Variants in IQSEC1 observed in about 807,000 individuals in gnomAD.
IQSEC1 encodes IQ motif and Sec7 domain ArfGEF 1.
Under a neutral mutation model 91.0 loss-of-function variants are expected in IQSEC1, and 31 were observed. That is an observed-to-expected ratio of 0.34 (90% CI 0.26 to 0.46). The LOEUF (loss-of-function observed/expected upper bound fraction) is 0.46, where lower values mean the gene tolerates loss of function less well. Among genes scored for constraint, IQSEC1 ranks in the 20% least tolerant of loss-of-function variants. The pLI is 1.00. For missense variants in IQSEC1, 1,388 were observed against 1,575.6 expected, an observed-to-expected ratio of 0.88 and a Z score of 2.02; for synonymous variants, 699 against 662.6, an observed-to-expected ratio of 1.05 and a Z score of -0.84.
chr3:12,972,879 A>G (rs186443057), intron 1 of IQSEC1, among the ~76,000 whole-genome samples: 97 of 152,362 alleles, frequency 6.4e-4, no homozygotes, highest in African/African-American at 2.2e-3. Context: ...TAGATGCAGT[A>G]AAAAGCCAGA....
intron 2 of IQSEC1, among the ~76,000 whole-genome samples, chr3:13,163,608 C>G (rs1025097945): frequency 6.6e-5 from 10 of 152,174 alleles, no homozygotes; most frequent in Non-Finnish European, 1.5e-4. Context: ...TGTCCACCCC[C>G]ACCTACCCTC....
At chr3:13,198,066 G>C (rs1270975339) in intron 1 of IQSEC1, among the ~76,000 whole-genome samples, 1 of 152,216 alleles carries the variant, frequency 6.6e-6, no homozygotes. Context: ...TGAAAGGACA[G>C]AGATGATGAC....
rs955327719 is a variant in IQSEC1 at position 12,899,914 on chromosome 3, G to GC, written c.*1068dup. ...ATGAACACTTCTGCCGTGTATGGGT[G>GC]CCCCTCTCGGAGGACTCTGAATGAG... On this transcript the variant is annotated 3_prime_UTR_variant, in exon 14 of 14. Transcript: ENST00000613206. 1 of 985,114 alleles carries GC rather than the reference G, an allele frequency of 1.0e-6. No individual in the cohort carries two copies. The highest frequency in any genetic ancestry group is 1.7e-5 in the African/African-American group (1 of 57,152). 61.0% of individuals were successfully genotyped at this position (985,114 alleles called of 1,614,324 possible). A position where few individuals can be genotyped will look rare whatever the true frequency, so the allele number is the denominator to read the frequency against.
intron 2 of IQSEC1, among the ~76,000 whole-genome samples, chr3:13,092,652 C>G (rs1461885923): frequency 6.6e-6 from 1 of 152,150 alleles, no homozygotes; most frequent in Non-Finnish European, 1.5e-5. Context: ...ATTTTAGCCC[C>G]TAACCCGAAT....
At chr3:13,002,518 G>A (rs950667433) in intron 1 of IQSEC1, among the ~76,000 whole-genome samples, 1 of 144,352 alleles carries the variant, frequency 6.9e-6, no homozygotes, top group South Asian at 2.2e-4. Flanking sequence ...TTGTATTCCA[G>A]CCTGGGTGAG....
At chr3:12,956,773 T>G (rs930999776) in intron 1 of IQSEC1, among the ~76,000 whole-genome samples, 1 of 152,112 alleles carries the variant, frequency 6.6e-6, no homozygotes, top group Non-Finnish European at 1.5e-5. Flanking sequence ...CTACGTGCAA[T>G]CGGGAGACCA....
At chr3:13,242,417 G>A (rs1299738492) in intron 1 of IQSEC1, among the ~76,000 whole-genome samples, 1 of 152,224 alleles carries the variant, frequency 6.6e-6, no homozygotes, top group Non-Finnish European at 1.5e-5. Flanking sequence ...AGAGCAAGGT[G>A]GGCATACGGG....
At chr3:12,971,365 C>G (rs991387874) in intron 1 of IQSEC1, among the ~76,000 whole-genome samples, 1 of 152,036 alleles carries the variant, frequency 6.6e-6, no homozygotes, top group Admixed American at 6.5e-5. Flanking sequence ...CCTACAGCGC[C>G]GCCTGCCCAT....
At chr3:12,990,592 G>A (rs565981871) in intron 1 of IQSEC1, among the ~76,000 whole-genome samples, 1 of 152,278 alleles carries the variant, frequency 6.6e-6, no homozygotes, top group Non-Finnish European at 1.5e-5. Context: ...GTCACACACG[G>A]CACGCAGGGA....
At chr3:13,113,919 C>T (rs1219531963) in intron 2 of IQSEC1, among the ~76,000 whole-genome samples, 1 of 152,276 alleles carries the variant, frequency 6.6e-6, no homozygotes, top group Non-Finnish European at 1.5e-5. Context: ...TGCTAAGTTG[C>T]AGGTCACCAA....
intron 1 of IQSEC1, among the ~76,000 whole-genome samples, chr3:13,023,750 A>G (rs945050456): frequency 6.6e-6 from 1 of 152,204 alleles, no homozygotes; most frequent in Non-Finnish European, 1.5e-5. Flanking sequence ...TTAATCCAAA[A>G]ACAAGATAGG....
chr3:13,106,576 C>A (rs1255063522), intron 2 of IQSEC1, among the ~76,000 whole-genome samples: 1 of 152,228 alleles, frequency 6.6e-6, no homozygotes, highest in East Asian at 1.9e-4. Flanking sequence ...AAACTTAGGC[C>A]ATCTGGTGTC....
At chr3:13,096,399 A>C (rs1327792058) in intron 2 of IQSEC1, among the ~76,000 whole-genome samples, 3 of 152,196 alleles carry the variant, frequency 2.0e-5, no homozygotes, top group African/African-American at 7.2e-5. Flanking sequence ...TTATTCACTC[A>C]ACAAAATTTA....
intron 2 of IQSEC1, among the ~76,000 whole-genome samples, chr3:13,125,403 T>C (rs1706496899): frequency 6.6e-6 from 1 of 152,216 alleles, no homozygotes; most frequent in Non-Finnish European, 1.5e-5. Context: ...CTCTGCCTTG[T>C]TGCTTAAATC....
rs142616496 is a variant in IQSEC1 at position 12,950,942 on chromosome 3, G to A, written c.24-9077C>T. 1.4e-3 allele frequency among the ~76,000 whole-genome samples: 207 copies of A among 152,032 alleles called. 2 individuals are homozygous for A. Among genetic ancestry groups the A allele is most frequent in the African/African-American group, 4.8e-3 (201 of 41,468 alleles). On this transcript the variant is annotated intron_variant, in intron 1 of 13. Transcript: ENST00000613206. ...ATTACAGGTGTGAGCCACTGCGCCC[G>A]GCCAAAAAAATTTTTTAAATAGCTG... is the stretch of plus-strand genomic sequence containing the variant.
At position 13,211,172 on chromosome 3, in the gene IQSEC1, A is replaced by C. The variant is rs1694437491; in HGVS notation, c.273-47039T>G. ...AGCTCGCAGTCTGTGTGGACAAGAC[A>C]CAGGGCAGGAGAACAGTGTAAGCAC... On this transcript the variant is annotated intron_variant, in intron 1 of 15. Transcript: ENST00000648114. This position sits in a 1 kb window ranked among gnomAD's most constrained non-coding sequence, Gnocchi z 5.3. Among the ~76,000 whole-genome samples the C allele has an allele frequency of 1.3e-5, 2 of 152,212 alleles. No homozygotes were observed. The highest frequency in any genetic ancestry group is 2.9e-5 in the Non-Finnish European group (2 of 68,026).
intron 6 of IQSEC1, among the ~76,000 whole-genome samples, chr3:12,918,347 C>T (rs913309746): frequency 7.2e-5 from 11 of 152,298 alleles, no homozygotes; most frequent in Non-Finnish European, 1.2e-4. Context: ...GTACTGGGTG[C>T]AACCATGGAC....
At chr3:13,141,504 A>G (rs1706799291) in intron 2 of IQSEC1, among the ~76,000 whole-genome samples, 1 of 152,218 alleles carries the variant, frequency 6.6e-6, no homozygotes, top group African/African-American at 2.4e-5. Flanking sequence ...ATAGAAAGCA[A>G]AAAAGCATGA....
At chr3:12,906,832 G>A (rs1412823011) in intron 12 of IQSEC1, among the ~76,000 whole-genome samples, 2 of 152,180 alleles carry the variant, frequency 1.3e-5, no homozygotes, top group Non-Finnish European at 2.9e-5. Context: ...GGAAGGGAGA[G>A]GGCAGGGCCT....
Sources: allele counts gnomAD v4.1 joint callset (sites outside exome capture counted in the v4.1 genomes callset), GRCh38; gene constraint gnomAD v4.1.1; non-coding constraint Gnocchi (gnomAD v3.1); transcripts MANE v1.5; gene names NCBI Gene and HGNC (gene_info 2026-07-23, HGNC 2026-07-21).